The following CPSF2 variants were observed in gnomAD, a reference collection of about 807,000 sequenced individuals.
CPSF2 encodes cleavage and polyadenylation specificity factor subunit 2.
Under a neutral mutation model 84.2 loss-of-function variants are expected in CPSF2, and 51 were observed. The observed-to-expected ratio is 0.61, with a 90% CI of 0.48 to 0.77. CPSF2 has a LOEUF of 0.77. Among genes scored for constraint, CPSF2 ranks in the 30% least tolerant of loss-of-function variants. CPSF2 has a pLI of 0.00. For synonymous variants in CPSF2, 286 were observed against 311.9 expected (o/e 0.92, Z 0.87); for missense variants, 641 against 929.4 (o/e 0.69, Z 4.03).
rs914459468 is a variant in CPSF2 at position 92,169,253 on chromosome 14, T to C, written c.*7509T>C. On this transcript the variant is annotated 3_prime_UTR_variant, in exon 16 of 16. Transcript: ENST00000298875. ...AGCTTGTTAGGAATATTGTAAATTA[T>C]TTTAGAAACACATTGTGGTCTCAGC... The C allele has an allele frequency of 6.6e-6, 1 of 152,212 alleles. No individual in the cohort carries two copies. The highest frequency in any genetic ancestry group is 1.5e-5 in the Non-Finnish European group (1 of 68,046). 9.4% of individuals were successfully genotyped at this position (152,212 alleles called of 1,614,324 possible). A position where few individuals can be genotyped will look rare whatever the true frequency, so the allele number is the denominator to read the frequency against.
chr14:92,136,545 A>G (rs920440794), intron 6 of CPSF2, among the ~76,000 whole-genome samples: 2 of 152,178 alleles, frequency 1.3e-5, no homozygotes, highest in Admixed American at 1.3e-4. Flanking sequence ...TGAACCTGTG[A>G]TCAATTAAGC....
chr14:92,135,563 TA>T, intron 6 of CPSF2, 67 bp downstream of exon 6: 1 of 1,466,112 alleles, frequency 6.8e-7, no homozygotes, highest in East Asian at 2.4e-5. Flanking sequence ...GGAGAAAAAA[TA>T]AGAAACACAG....
At chr14:92,145,313 A>G (rs985077042) in intron 9 of CPSF2, among the ~76,000 whole-genome samples, 9 of 152,018 alleles carry the variant, frequency 5.9e-5, no homozygotes, top group African/African-American at 2.2e-4. Context: ...AGCTCACTGT[A>G]CCCTCAAACT....
At position 92,134,038 on chromosome 14, in the gene CPSF2, G is replaced by A; in HGVS notation, c.177G>A (p.Leu59=). The A allele has an allele frequency of 6.2e-7, 1 of 1,614,166 alleles. No individual in the cohort carries two copies. The highest frequency in any genetic ancestry group is 8.5e-7 in the Non-Finnish European group (1 of 1,180,018). The stretch of plus-strand genomic sequence containing the variant: ...ATGTTCACCAGATTGATGCAGTGCT[G>A]TTGTCTCACCCTGATCCTCTCCACC... ...RKHVHQIDAV[L]LSHPDPLHLG... The change falls in exon 4 of 16, where the codon CTG becomes CTA. Residue 59 remains leucine, a synonymous_variant. Coordinates refer to ENST00000298875, the MANE Select transcript of CPSF2 (RefSeq NM_017437.3).
At position 92,138,364 on chromosome 14, in the gene CPSF2, G is replaced by A. The variant is rs368153445; in HGVS notation, c.661+17G>A. 51 of 1,217,592 alleles carry A rather than the reference G, an allele frequency of 4.2e-5. No homozygotes were observed. Among genetic ancestry groups the A allele is most frequent in the African/African-American group, 3.5e-4 (22 of 63,468 alleles). 75.4% of individuals were successfully genotyped at this position (1,217,592 alleles called of 1,614,324 possible). On this transcript the variant is annotated intron_variant, in intron 7 of 15. Coordinates refer to ENST00000298875, the MANE Select transcript of CPSF2 (RefSeq NM_017437.3). ...AGCTTCTGAGTACGTATTCTTTCAC[G>A]TCCTTATTATTATTATTATTTTGTA...
rs527341472 is a variant in CPSF2, at chr14:92,170,531, C to A, written c.*8787C>A. The A allele has an allele frequency of 6.6e-6, 1 of 152,344 alleles. No homozygotes were observed. Among genetic ancestry groups the A allele is most frequent in the Non-Finnish European group, 1.5e-5 (1 of 68,036 alleles). The allele number at this position is 152,344 out of a possible 1,614,324, so 9.4% of individuals were successfully genotyped here. On this transcript the variant is annotated 3_prime_UTR_variant, in exon 16 of 16. Transcript: ENST00000298875. The stretch of plus-strand genomic sequence containing the variant: ...GCCATTTACTCCAAAAATATCCTTA[C>A]AATAACCCTTTCCTTTTTTGGTCCA...
intron 2 of CPSF2, among the ~76,000 whole-genome samples, chr14:92,130,418 C>T (rs1389965424): frequency 1.3e-5 from 2 of 152,012 alleles, no homozygotes; most frequent in Non-Finnish European, 2.9e-5. Flanking sequence ...GAAATCAGTG[C>T]CATCACAAAG....
intron 10 of CPSF2, among the ~76,000 whole-genome samples, chr14:92,154,908 GTGTATCTAAA>G (rs2069269105): frequency 6.6e-6 from 1 of 152,138 alleles, no homozygotes; most frequent in African/African-American, 2.4e-5. Context: ...TTAAGTATTT[GTGTATCTAAA>G]TGTATCTAAA....
chr14:92,139,948 C>CTTTTTTTT (rs1331887317), intron 7 of CPSF2, among the ~76,000 whole-genome samples: 2 of 115,846 alleles, frequency 1.7e-5, no homozygotes, highest in African/African-American at 6.9e-5. Flanking sequence ...AAAAGTACAA[C>CTTTTTTTT]TATTTTTTTT....
intron 1 of CPSF2, among the ~76,000 whole-genome samples, chr14:92,123,523 CAAGT>C (rs2068806626): frequency 6.6e-6 from 1 of 151,970 alleles, no homozygotes; most frequent in Admixed American, 6.6e-5. Context: ...CTCAGCCTCC[CAAGT>C]AGCTGGGGTC....
rs903486863 is a variant in CPSF2, at chr14:92,167,021, T to G, written c.*5277T>G. The G allele has an allele frequency of 6.6e-6, 1 of 150,464 alleles. No individual in the cohort carries two copies. The highest frequency in any genetic ancestry group is 1.5e-5 in the Non-Finnish European group (1 of 67,614). The allele number at this position is 150,464 out of a possible 1,614,324, so 9.3% of individuals were successfully genotyped here. A position where few individuals can be genotyped will look rare whatever the true frequency, so the allele number is the denominator to read the frequency against. ...TATCGATTTCTTTTTTTTCTTTTTT[T>G]TTTTTTTTGAGATAGCATCTTGCTT... On this transcript the variant is annotated 3_prime_UTR_variant, in exon 16 of 16. Transcript: ENST00000298875.
rs1359734009 is a variant in CPSF2 at position 92,166,858 on chromosome 14, A to T, written c.*5114A>T. The T allele has an allele frequency of 6.6e-6, 1 of 152,088 alleles. No individual in the cohort carries two copies. The highest frequency in any genetic ancestry group is 1.5e-5 in the Non-Finnish European group (1 of 68,018). The allele number at this position is 152,088 out of a possible 1,614,324, so 9.4% of individuals were successfully genotyped here. On this transcript the variant is annotated 3_prime_UTR_variant, in exon 16 of 16. Transcript: ENST00000298875. Reference sequence around the variant, plus strand: ...CATTGATCTATATATCTATGCTAGTACCACATGTCTTCATTACTGTAGCTT... The same window carrying T: ...CATTGATCTATATATCTATGCTAGTTCCACATGTCTTCATTACTGTAGCTT...
At chr14:92,139,310 A>G (rs1266285899) in intron 7 of CPSF2, among the ~76,000 whole-genome samples, 1 of 151,622 alleles carries the variant, frequency 6.6e-6, no homozygotes, top group African/African-American at 2.4e-5. Flanking sequence ...CCAGCTACTC[A>G]GGAGGCTGAG....
intron 14 of CPSF2, 131 bp downstream of exon 14, chr14:92,159,413 A>G (rs79829437): frequency 1.8e-4 from 125 of 688,864 alleles, no homozygotes; most frequent in Non-Finnish European, 2.9e-4. Flanking sequence ...TTAACCATTT[A>G]AAATATATGT....
intron 8 of CPSF2, 76 bp from the exon 9 acceptor site, chr14:92,142,928 T>C (rs1041235354): frequency 3.2e-5 from 41 of 1,266,224 alleles, no homozygotes; most frequent in Admixed American, 6.9e-5. Context: ...AGAACTTGAA[T>C]TCCTTGACTA....
intron 11 of CPSF2, 96 bp from the exon 12 acceptor site, chr14:92,156,383 T>C (rs1003607330): frequency 1.2e-6 from 1 of 855,634 alleles, no homozygotes; most frequent in South Asian, 2.1e-5. Context: ...TCTTGAGATA[T>C]GTGAGGACTC....
intron 6 of CPSF2, among the ~76,000 whole-genome samples, chr14:92,137,078 A>T (rs1426222953): frequency 2.0e-5 from 3 of 152,150 alleles, no homozygotes; most frequent in African/African-American, 7.2e-5. Flanking sequence ...AACTTACAAC[A>T]TATATATAAG....
intron 7 of CPSF2, 23 bp downstream of exon 7, chr14:92,138,370 A>C: frequency 9.7e-7 from 1 of 1,031,024 alleles, no homozygotes. Context: ...TCACGTCCTT[A>C]TTATTATTAT....
rs2069511915 is a variant in CPSF2 at position 92,171,107 on chromosome 14, T to C, written c.*9363T>C. ...TGATGATCCTTGTCTGGATCAGTTA[T>C]TGCCAAATGGTAGTTTTCTTTTCTT... On this transcript the variant is annotated 3_prime_UTR_variant, in exon 16 of 16. Coordinates refer to ENST00000298875, the MANE Select transcript of CPSF2 (RefSeq NM_017437.3). 1 of 152,348 alleles carries C rather than the reference T, an allele frequency of 6.6e-6. No individual in the cohort carries two copies. The allele number at this position is 152,348 out of a possible 1,614,324, so 9.4% of individuals were successfully genotyped here. A position where few individuals can be genotyped will look rare whatever the true frequency, so the allele number is the denominator to read the frequency against.
Sources: allele counts gnomAD v4.1 joint callset (sites outside exome capture counted in the v4.1 genomes callset), GRCh38; gene constraint gnomAD v4.1.1; transcripts MANE v1.5; gene names NCBI Gene and HGNC (gene_info 2026-07-23, HGNC 2026-07-21).